Variants in EPYC observed in about 807,000 individuals in gnomAD.
The protein encoded by EPYC is dermatan sulfate proteoglycan 3.
In EPYC, 28 loss-of-function variants were observed where a neutral mutation model predicts 30.1. The observed-to-expected ratio is 0.93, with a 90% CI of 0.69 to 1.28. EPYC has a LOEUF of 1.28. EPYC is among the 50% of genes most tolerant of loss of function. The probability of loss-of-function intolerance (pLI) is 0.00; values close to 1 mark genes in which losing one functional copy is unlikely to be tolerated. For missense variants in EPYC, 382 were observed against 383.5 expected, an observed-to-expected ratio of 1.00 and a Z score of 0.03; for synonymous variants, 144 against 141.4, an observed-to-expected ratio of 1.02 and a Z score of -0.13.
At chr12:90,980,039 A>T (rs1877289134) in intron 2 of EPYC, among the ~76,000 whole-genome samples, 1 of 152,172 alleles carries the variant, frequency 6.6e-6, no homozygotes, top group Non-Finnish European at 1.5e-5. Context: ...TTTCTTAAAC[A>T]GAAAGACATA....
At chr12:90,989,595 G>A (rs1877536290) in intron 2 of EPYC, among the ~76,000 whole-genome samples, 1 of 151,840 alleles carries the variant, frequency 6.6e-6, no homozygotes, top group African/African-American at 2.4e-5. Flanking sequence ...CATACACAAT[G>A]CAATGTTTAA....
chr12:90,964,400 G>T (rs1876843359), intron 6 of EPYC, 74 bp from the exon 7 acceptor site: 1 of 1,031,068 alleles, frequency 9.7e-7, no homozygotes, highest in Non-Finnish European at 1.4e-6. Flanking sequence ...AGTCCACTGT[G>T]CTTCACCCTT....
At chr12:91,000,692 T>C (rs1413032908) in intron 2 of EPYC, among the ~76,000 whole-genome samples, 2 of 152,068 alleles carry the variant, frequency 1.3e-5, no homozygotes, top group Non-Finnish European at 2.9e-5. Context: ...ATAGTGATCA[T>C]CAAATCTCTC....
Position 91,002,502 on chromosome 12 carries a change from T to A in EPYC, c.64A>T (p.Thr22Ser), listed in dbSNP as rs772371849. Residue 22 changes from threonine (T) to serine (S), a missense_variant, in exon 2 of 7, where the codon ACT (threonine) becomes TCT (serine). Thr to Ser is a moderately conservative substitution (Grantham distance 58, BLOSUM62 1). Coordinates refer to ENST00000261172, the MANE Select transcript of EPYC (RefSeq NM_004950.5). Reference protein sequence around the residue: ...VIFDAAVTAPTLESINYDSET... With the variant: ...VIFDAAVTAPSLESINYDSET... ...GAGTCATAGTTGATGGACTCTAGAG[T>A]TGGGGCAGTCACAGCAGCATCAAAG... 3.7e-6 allele frequency: 6 copies of A among 1,613,176 alleles called. No homozygotes were observed. In the South Asian group the frequency reaches 6.6e-5, roughly 18 times the overall value.
chr12:90,992,427 G>A (rs1422718866), intron 2 of EPYC, among the ~76,000 whole-genome samples: 3 of 152,202 alleles, frequency 2.0e-5, no homozygotes, highest in Non-Finnish European at 2.9e-5. Context: ...TCCATAGCAG[G>A]AGGAAAGGGA....
intron 2 of EPYC, among the ~76,000 whole-genome samples, chr12:90,984,053 C>A (rs1328463200): frequency 6.6e-6 from 1 of 152,090 alleles, no homozygotes; most frequent in African/African-American, 2.4e-5. Context: ...CTCTTCCAAC[C>A]CTGGAGATCC....
intron 2 of EPYC, among the ~76,000 whole-genome samples, chr12:90,989,599 T>C (rs1190479226): frequency 6.6e-6 from 1 of 152,032 alleles, no homozygotes; most frequent in Admixed American, 6.6e-5. Context: ...CACAATGCAA[T>C]GTTTAAGTGA....
intron 2 of EPYC, among the ~76,000 whole-genome samples, chr12:90,999,883 T>A (rs561443652): frequency 2.2e-4 from 34 of 152,242 alleles, no homozygotes; most frequent in Non-Finnish European, 2.9e-5. Flanking sequence ...TTGTTCCTCA[T>A]GTCATCTTAT....
chr12:90,985,434 A>G (rs1265709205), intron 2 of EPYC, among the ~76,000 whole-genome samples: 2 of 152,100 alleles, frequency 1.3e-5, no homozygotes, highest in Non-Finnish European at 2.9e-5. Context: ...CCCTGGGCCC[A>G]GAACAAAATC....
At chr12:90,979,543 TA>T in intron 2 of EPYC, among the ~76,000 whole-genome samples, 1 of 152,286 alleles carries the variant, frequency 6.6e-6, no homozygotes, top group East Asian at 1.9e-4. Context: ...ATAATAGATT[TA>T]AAAGCATTGC....
chr12:90,973,334 AAC>A (rs1877101223), intron 3 of EPYC, among the ~76,000 whole-genome samples: 1 of 152,102 alleles, frequency 6.6e-6, no homozygotes, highest in Non-Finnish European at 1.5e-5. Context: ...TCACTAAAAC[AAC>A]ACTTGCTTCA....
chr12:90,968,090 G>A (rs752568971), intron 6 of EPYC, among the ~76,000 whole-genome samples: 4 of 152,072 alleles, frequency 2.6e-5, no homozygotes, highest in Non-Finnish European at 5.9e-5. Context: ...GGCCTCTGTT[G>A]TTAGATGCAT....
chr12:90,971,820 T>TC lies in EPYC; in HGVS notation c.681dup (p.Ile228AspfsTer7). On this transcript the variant is annotated frameshift_variant, in exon 5 of 7. Coordinates refer to ENST00000261172, the MANE Select transcript of EPYC (RefSeq NM_004950.5). LOFTEE classifies it high-confidence loss of function. ...CTTACTTTAAATGCTTCTTGCTTTA[T>TC]CCCTTTCCTTCCAAGTCTATTGTTG... is the stretch of plus-strand genomic sequence containing the variant. The TC allele has an allele frequency of 6.2e-7, 1 of 1,606,044 alleles. No homozygotes were observed. The highest frequency in any genetic ancestry group is 8.5e-7 in the Non-Finnish European group (1 of 1,176,964).
chr12:90,974,072 A>T (rs61925164), intron 3 of EPYC, among the ~76,000 whole-genome samples: 3 of 144,210 alleles, frequency 2.1e-5, no homozygotes, highest in African/African-American at 8.0e-5. Flanking sequence ...ACACACACAC[A>T]CCCCTACCTC....
chr12:90,983,890 A>G (rs1374550565), intron 2 of EPYC, among the ~76,000 whole-genome samples: 1 of 152,050 alleles, frequency 6.6e-6, no homozygotes, highest in Non-Finnish European at 1.5e-5. Context: ...TTTTGCCCAA[A>G]GCCCCATTGG....
chr12:90,976,437 AT>A (rs572115371), intron 3 of EPYC, among the ~76,000 whole-genome samples: 1 of 151,982 alleles, frequency 6.6e-6, no homozygotes. Context: ...TTATTATCCC[AT>A]TTTTTTAGAT....
intron 6 of EPYC, among the ~76,000 whole-genome samples, chr12:90,965,205 C>T (rs1876865112): frequency 6.6e-6 from 1 of 151,920 alleles, no homozygotes; most frequent in Non-Finnish European, 1.5e-5. Context: ...TTTTTGTTGT[C>T]CAATACTATT....
At chr12:90,988,186 C>A (rs1877498162) in intron 2 of EPYC, among the ~76,000 whole-genome samples, 1 of 152,076 alleles carries the variant, frequency 6.6e-6, no homozygotes, top group Non-Finnish European at 1.5e-5. Context: ...ATTAAGGTCC[C>A]CTTGCCAAGC....
chr12:90,969,277 T>G (rs894490074), intron 6 of EPYC, among the ~76,000 whole-genome samples: 14 of 151,876 alleles, frequency 9.2e-5, no homozygotes, highest in African/African-American at 3.4e-4. Context: ...CTCTATATAT[T>G]TATTCCATAG....
Sources: gnomAD v4.1 joint callset for allele counts (sites outside exome capture counted in the v4.1 genomes callset) on GRCh38, gnomAD v4.1.1 for gene constraint, MANE v1.5 for transcripts, NCBI Gene and HGNC (gene_info 2026-07-23, HGNC 2026-07-21) for gene names.